BCKDHB: variants seen among roughly 807,000 people sequenced by gnomAD.
BCKDHB encodes 2-oxoisovalerate dehydrogenase subunit beta, mitochondrial.
BCKDHB carries 41 observed loss-of-function variants against 48.5 expected under a neutral mutation model. The ratio of observed to expected loss-of-function variants is 0.85; its 90% confidence interval spans 0.66 to 1.10. The LOEUF (loss-of-function observed/expected upper bound fraction) is 1.10. Ranked by LOEUF, BCKDHB falls within the 50% of genes least tolerant of loss-of-function variation. The pLI, the probability that BCKDHB is intolerant of heterozygous loss-of-function variation, is 0.00. For missense variants in BCKDHB, 496 were observed against 494.2 expected (o/e 1.00, Z -0.03); for synonymous variants, 201 against 174.8 (o/e 1.15, Z -1.18).
chr6:80,324,704 C>A (rs1311346045), intron 9 of BCKDHB, among the ~76,000 whole-genome samples: 1 of 152,118 alleles, frequency 6.6e-6, no homozygotes, highest in African/African-American at 2.4e-5. Context: ...CTCCCCAGCC[C>A]CTGTCTACAA....
intron 9 of BCKDHB, among the ~76,000 whole-genome samples, chr6:80,332,040 T>A (rs578133633): frequency 6.6e-6 from 1 of 151,886 alleles, no homozygotes; most frequent in African/African-American, 2.4e-5. Flanking sequence ...TTTTGAAGAG[T>A]TTTTAAAAGC....
chr6:80,188,160 A>C (rs1405528832), intron 6 of BCKDHB, among the ~76,000 whole-genome samples: 1 of 152,238 alleles, frequency 6.6e-6, no homozygotes, highest in Non-Finnish European at 1.5e-5. Context: ...AAAAAGAATG[A>C]GATATGTCCT....
chr6:80,144,477 T>C (rs1329963578), intron 3 of BCKDHB, among the ~76,000 whole-genome samples: 1 of 152,154 alleles, frequency 6.6e-6, no homozygotes, highest in Non-Finnish European at 1.5e-5. Flanking sequence ...AATGCACTAG[T>C]TGTGTTCTCT....
the BCKDHB span, among the ~76,000 whole-genome samples, chr6:80,383,117 A>C: frequency 6.6e-6 from 1 of 152,086 alleles, no homozygotes; most frequent in Non-Finnish European, 1.5e-5. Flanking sequence ...TGGCAGGGGG[A>C]AAAGAGCAAT....
chr6:80,270,819 G>A (rs1336576083), intron 8 of BCKDHB, among the ~76,000 whole-genome samples: 1 of 152,058 alleles, frequency 6.6e-6, no homozygotes, highest in Non-Finnish European at 1.5e-5. Context: ...TTTGCTGCTG[G>A]AGTTTGGATC....
chr6:80,451,235 T>A, the BCKDHB span, among the ~76,000 whole-genome samples: 1 of 152,070 alleles, frequency 6.6e-6, no homozygotes, highest in Non-Finnish European at 1.5e-5. Flanking sequence ...CCTGGTTATT[T>A]GCATAAAGCA....
At position 80,344,167 on chromosome 6, in the gene BCKDHB, G is replaced by T; in HGVS notation, c.*363G>T. The stretch of plus-strand genomic sequence containing the variant: ...TTACAGGCGCCCACCACCATGCCCA[G>T]CTAATTTTTGTGTTTTTATTGGAGG... On this transcript the variant is annotated 3_prime_UTR_variant, in exon 10 of 10. Transcript: ENST00000320393. 3.5e-6 allele frequency: 1 copy of T among 287,476 alleles called. No individual in the cohort carries two copies. Among genetic ancestry groups the T allele is most frequent in the Non-Finnish European group, 6.8e-6 (1 of 147,622 alleles). The allele number at this position is 287,476 out of a possible 1,614,324, so 17.8% of individuals were successfully genotyped here.
At chr6:80,306,636 A>G (rs1767891351) in intron 9 of BCKDHB, among the ~76,000 whole-genome samples, 2 of 152,250 alleles carry the variant, frequency 1.3e-5, no homozygotes, top group Admixed American at 1.3e-4. Context: ...AACAAATCAG[A>G]TCAATAATTT....
At chr6:80,168,506 G>A (rs1037382850) in intron 4 of BCKDHB, among the ~76,000 whole-genome samples, 3 of 136,758 alleles carry the variant, frequency 2.2e-5, no homozygotes, top group Non-Finnish European at 4.7e-5. Context: ...AAAGGAGGGA[G>A]GGAAAAGCTC....
the BCKDHB span, among the ~76,000 whole-genome samples, chr6:80,387,477 T>G: frequency 6.6e-6 from 1 of 152,206 alleles, no homozygotes; most frequent in Admixed American, 6.5e-5. Context: ...ACATCCCTGT[T>G]CTACTCTCCC....
chr6:80,377,408 T>C, the BCKDHB span, among the ~76,000 whole-genome samples: 11 of 152,032 alleles, frequency 7.2e-5, no homozygotes, highest in East Asian at 1.5e-3. Context: ...CATAGGTAAG[T>C]TTTTTTTGCC....
chr6:80,400,344 G>A, the BCKDHB span, among the ~76,000 whole-genome samples: 4 of 151,904 alleles, frequency 2.6e-5, no homozygotes, highest in Non-Finnish European at 5.9e-5. Flanking sequence ...CTAATAGCCA[G>A]CATCTATGAA....
chr6:80,320,495 A>G (rs1345390594), intron 9 of BCKDHB, among the ~76,000 whole-genome samples: 1 of 152,172 alleles, frequency 6.6e-6, no homozygotes, highest in Non-Finnish European at 1.5e-5. Context: ...AAACATTATT[A>G]AAACTTCATT....
At chr6:80,407,920 C>T in the BCKDHB span, among the ~76,000 whole-genome samples, 1 of 152,152 alleles carries the variant, frequency 6.6e-6, no homozygotes, top group Admixed American at 6.5e-5. Context: ...AGAGGGCATC[C>T]TTGTCTTGTG....
At chr6:80,233,161 C>T (rs1776004683) in intron 8 of BCKDHB, among the ~76,000 whole-genome samples, 1 of 151,962 alleles carries the variant, frequency 6.6e-6, no homozygotes, top group Admixed American at 6.6e-5. Context: ...TCCATTTTGG[C>T]ACCATTTTTG....
In BCKDHB at chr6:80,168,926, T is replaced by A; in HGVS notation, c.529T>A (p.Cys177Ser). 6.2e-7 allele frequency: 1 copy of A among 1,614,186 alleles called. No homozygotes were observed. Among genetic ancestry groups the A allele is most frequent in the Non-Finnish European group, 8.5e-7 (1 of 1,180,016 alleles). The change falls in exon 5 of 10, where the codon TGT becomes AGT. Residue 177 changes from cysteine to serine, a missense_variant. Physicochemically the swap from Cys to Ser is moderately radical, Grantham distance 112. Coordinates refer to ENST00000320393, the MANE Select transcript of BCKDHB (RefSeq NM_183050.4). ...CTATCGCTCTGGGGATCTTTTTAAC[T>A]GTGGAAGCCTCACTATCCGGTCCCC... is the stretch of plus-strand genomic sequence containing the variant. Reference protein sequence around the residue: ...YRYRSGDLFNCGSLTIRSPWG... With the variant: ...YRYRSGDLFNSGSLTIRSPWG...
At chr6:80,289,771 C>G (rs1766815038) in intron 9 of BCKDHB, among the ~76,000 whole-genome samples, 2 of 152,126 alleles carry the variant, frequency 1.3e-5, no homozygotes, top group Admixed American at 6.5e-5. Context: ...CAGGCAGAGA[C>G]AGGCCGTTGG....
intron 9 of BCKDHB, among the ~76,000 whole-genome samples, chr6:80,299,978 G>A (rs1434474151): frequency 3.3e-5 from 5 of 151,330 alleles, no homozygotes; most frequent in Admixed American, 2.6e-4. Flanking sequence ...TAATGACATA[G>A]ACAGACTCAA....
At chr6:80,463,939 T>C in the BCKDHB span, among the ~76,000 whole-genome samples, 108 of 152,214 alleles carry the variant, frequency 7.1e-4, no homozygotes, top group African/African-American at 2.5e-3. Flanking sequence ...CAGCATTCCC[T>C]TGGGCTCATT....
Sources: gnomAD v4.1 joint callset for allele counts (sites outside exome capture counted in the v4.1 genomes callset) on GRCh38, gnomAD v4.1.1 for gene constraint, MANE v1.5 for transcripts, NCBI Gene and HGNC (gene_info 2026-07-23, HGNC 2026-07-21) for gene names.